Variants in KANSL1 observed in about 807,000 individuals in gnomAD.
KANSL1 encodes the protein KAT8 regulatory NSL complex subunit 1, also known as MLL1/MLL complex subunit KANSL1.
In KANSL1, 22 loss-of-function variants were observed where a neutral mutation model predicts 103.6. That is an observed-to-expected ratio of 0.21 (90% CI 0.15 to 0.30). KANSL1 has a LOEUF of 0.30. Ranked by LOEUF, KANSL1 falls within the 10% of genes least tolerant of loss-of-function variation. KANSL1 has a pLI of 1.00. For synonymous variants in KANSL1, 600 were observed against 527.6 expected (o/e 1.14, Z -1.88); for missense variants, 1,337 against 1,399.8 (o/e 0.96, Z 0.72).
intron 2 of KANSL1, among the ~76,000 whole-genome samples, chr17:46,164,795 A>C (rs1375961458): frequency 1.3e-5 from 2 of 152,246 alleles, no homozygotes; most frequent in Non-Finnish European, 2.9e-5. Context: ...TTGAGACCTA[A>C]AGGTCACGTA....
intron 1 of KANSL1, among the ~76,000 whole-genome samples, chr17:46,210,790 T>C (rs2668653): frequency 0.14 from 21,965 of 152,218 alleles, 2,137 homozygotes; most frequent in Non-Finnish European, 0.22. Flanking sequence ...ATATATTAAA[T>C]GAGAAACATT....
chr17:46,036,603 C>T (rs7214674), intron 10 of KANSL1, among the ~76,000 whole-genome samples: 16,516 of 152,158 alleles, frequency 0.11, 1,247 homozygotes, highest in Non-Finnish European at 0.16. Context: ...AATACTATGC[C>T]ATTTTATATT....
At chr17:46,110,796 T>G (rs1364506971) in intron 2 of KANSL1, among the ~76,000 whole-genome samples, 1 of 151,658 alleles carries the variant, frequency 6.6e-6, no homozygotes, top group African/African-American at 2.4e-5. Context: ...AGAAATAAGG[T>G]TGGGGTGGGA....
chr17:46,116,251 C>A (rs936341231), intron 2 of KANSL1, among the ~76,000 whole-genome samples: 1 of 152,210 alleles, frequency 6.6e-6, no homozygotes, highest in South Asian at 2.1e-4. Context: ...ACCATTACTG[C>A]GGGGCGCAGT....
chr17:46,137,098 A>G (rs2044184716), intron 2 of KANSL1, among the ~76,000 whole-genome samples: 1 of 151,010 alleles, frequency 6.6e-6, no homozygotes, highest in Non-Finnish European at 1.5e-5. Context: ...GTGCACTAAG[A>G]GCATCAAATC....
chr17:46,170,511 C>T, intron 2 of KANSL1: 1 of 299,622 alleles, frequency 3.3e-6, no homozygotes, highest in Non-Finnish European at 5.9e-6. Flanking sequence ...ACAATCAGGC[C>T]ATTAACTTAT....
intron 2 of KANSL1, among the ~76,000 whole-genome samples, chr17:46,151,165 G>C (rs886976856): frequency 3.3e-5 from 5 of 152,200 alleles, no homozygotes; most frequent in African/African-American, 1.2e-4. Flanking sequence ...TTATAACTGA[G>C]TTTCTACCAA....
intron 1 of KANSL1, among the ~76,000 whole-genome samples, chr17:46,191,382 G>T (rs1043131457): frequency 6.6e-6 from 1 of 152,238 alleles, no homozygotes; most frequent in African/African-American, 2.4e-5. Flanking sequence ...CAGACAGCAT[G>T]CTAGAAAAGG....
chr17:46,178,067 A>G (rs1382390383), intron 1 of KANSL1, among the ~76,000 whole-genome samples: 2 of 152,150 alleles, frequency 1.3e-5, no homozygotes, highest in Non-Finnish European at 2.9e-5. Context: ...ATGAGCCACC[A>G]CGCCCGGCCC....
chr17:46,062,568 A>C (rs1335357187), intron 6 of KANSL1, among the ~76,000 whole-genome samples: 2 of 151,134 alleles, frequency 1.3e-5, no homozygotes, highest in African/African-American at 2.4e-5. Flanking sequence ...CATGTTGGCC[A>C]GGGTGGTCTT....
rs369849859 is a variant in KANSL1, at chr17:46,151,786, C to T, written c.1289+19069G>A. 3.3e-5 allele frequency among the ~76,000 whole-genome samples: 5 copies of T among 152,352 alleles called. No individual in the cohort carries two copies. In the East Asian group the frequency reaches 7.7e-4, roughly 24 times the overall value. On this transcript the variant is annotated intron_variant, in intron 2 of 14. Coordinates refer to ENST00000432791, the MANE Select transcript of KANSL1 (RefSeq NM_015443.4). Reference sequence around the variant, plus strand: ...TAAATCTAGCATGTTGAGGCTACTCCTAGAACAGGGGTTCTTAATTTGGGG... The same window carrying T: ...TAAATCTAGCATGTTGAGGCTACTCTTAGAACAGGGGTTCTTAATTTGGGG...
intron 2 of KANSL1, among the ~76,000 whole-genome samples, chr17:46,167,375 TATTTCTACA>T (rs1443595391): frequency 1.3e-5 from 2 of 152,232 alleles, no homozygotes; most frequent in Non-Finnish European, 2.9e-5. Flanking sequence ...TAAATGCTTT[TATTTCTACA>T]TCTACAATTA....
At chr17:46,162,860 C>T (rs2147640089) in intron 2 of KANSL1, among the ~76,000 whole-genome samples, 1 of 152,360 alleles carries the variant, frequency 6.6e-6, no homozygotes, top group Non-Finnish European at 1.5e-5. Flanking sequence ...TTGTAAAATA[C>T]ACTATACTTT....
intron 2 of KANSL1, chr17:46,156,899 C>CAAAAAAAAA (rs200919070): frequency 8.1e-5 from 9 of 110,818 alleles, no homozygotes; most frequent in Non-Finnish European, 1.1e-4. Context: ...ACTCTATCTC[C>CAAAAAAAAA]AAAAAAAAAA....
intron 1 of KANSL1, among the ~76,000 whole-genome samples, chr17:46,219,197 G>C (rs936255588): frequency 1.3e-5 from 2 of 151,020 alleles, no homozygotes; most frequent in African/African-American, 4.9e-5. Flanking sequence ...CCAGGAAGTG[G>C]AGGTTGCAGT....
chr17:46,103,404 A>G (rs564607108), intron 2 of KANSL1, among the ~76,000 whole-genome samples: 30 of 152,314 alleles, frequency 2.0e-4, no homozygotes, highest in African/African-American at 7.2e-4. Context: ...TCACCTCTAA[A>G]TATTTCGGTA....
At chr17:46,074,484 A>G (rs960042338) in intron 4 of KANSL1, among the ~76,000 whole-genome samples, 18 of 152,158 alleles carry the variant, frequency 1.2e-4, no homozygotes, top group African/African-American at 4.3e-4. Context: ...GGAAAAAGTC[A>G]TCAGTGAACA....
intron 2 of KANSL1, among the ~76,000 whole-genome samples, chr17:46,108,897 C>T (rs1040906833): frequency 6.6e-6 from 1 of 152,136 alleles, no homozygotes; most frequent in Non-Finnish European, 1.5e-5. Context: ...TATACACAAA[C>T]CAGGGAAAAT....
intron 2 of KANSL1, among the ~76,000 whole-genome samples, chr17:46,108,790 A>ACCTCATAAAACTAACTCTGGCCT (rs1247315471): frequency 2.6e-5 from 4 of 152,108 alleles, no homozygotes; most frequent in Non-Finnish European, 4.4e-5. Flanking sequence ...GTGCCAACAG[A>ACCTCATAAAACTAACTCTGGCCT]CCTCATAAAA....
Sources: gnomAD v4.1 joint callset for allele counts (sites outside exome capture counted in the v4.1 genomes callset) on GRCh38, gnomAD v4.1.1 for gene constraint, MANE v1.5 for transcripts, NCBI Gene and HGNC (gene_info 2026-07-23, HGNC 2026-07-21) for gene names.